IMPA1: variants seen among roughly 807,000 people sequenced by gnomAD.
IMPA1 encodes the protein inositol monophosphatase 1.
A neutral mutation model predicts 34.9 loss-of-function variants in IMPA1; 21 were observed. The observed-to-expected ratio is 0.60, with a 90% CI of 0.43 to 0.87. IMPA1 has a LOEUF of 0.87. Among genes scored for constraint, IMPA1 ranks in the 40% least tolerant of loss-of-function variants. The pLI is 0.00. For synonymous variants in IMPA1, 95 were observed against 104.4 expected (o/e 0.91, Z 0.55); for missense variants, 299 against 336.4 (o/e 0.89, Z 0.87).
At chr8:81,670,877 A>C in intron 7 of IMPA1, 62 bp downstream of exon 7, 1 of 779,380 alleles carries the variant, frequency 1.3e-6, no homozygotes, top group South Asian at 1.9e-5. Flanking sequence ...AGGAAAAAAA[A>C]AAGGTGTGTG....
At chr8:81,676,140 C>T in intron 5 of IMPA1, 94 bp downstream of exon 5, 1 of 506,686 alleles carries the variant, frequency 2.0e-6, no homozygotes, top group Non-Finnish European at 3.4e-6. Flanking sequence ...ATCAAATATA[C>T]AGACAAACCT....
chr8:81,680,754 C>A lies in IMPA1; in HGVS notation c.93G>T (p.Met31Ile), dbSNP rs1490104200. The A allele has an allele frequency of 6.2e-7, 1 of 1,608,950 alleles. No individual in the cohort carries two copies. Among genetic ancestry groups the A allele is most frequent in the South Asian group, 1.1e-5 (1 of 90,756 alleles). ...CTGGAGAACTTTTCAGCATAACATT[C>A]ATTTCATTTTTTATAGCTTCACAAA... ...EVVCEAIKNE[M>I]NVMLKSSPVD... The change falls in exon 3 of 9, where the codon ATG becomes ATT. Residue 31 changes from methionine (M) to isoleucine (I), a missense_variant. By Grantham distance (10) the Met-to-Ile change is conservative. Transcript: ENST00000256108.
In IMPA1 at chr8:81,671,045, T is replaced by C. The variant is rs61734512; in HGVS notation, c.460A>G (p.Ile154Val). Residue 154 changes from isoleucine to valine, a missense_variant and splice_region_variant, in exon 7 of 9, where the codon ATT (isoleucine) becomes GTT (valine). Transcript: ENST00000256108. ...QKLQVSQQED[I>V]TKSLLVTELG... The stretch of plus-strand genomic sequence containing the variant: ...TCAGTCACCAAGAGAGATTTGGTAA[T>C]ATCTAAAAAGAAAGTGTTAGGTTTC... 44 of 1,450,940 alleles carry C rather than the reference T, an allele frequency of 3.0e-5. No individual in the cohort carries two copies. The African/African-American group carries it at 6.4e-4, about 21-fold the overall frequency. 89.9% of individuals were successfully genotyped at this position (1,450,940 alleles called of 1,614,324 possible).
At chr8:81,676,333 A>G in intron 4 of IMPA1, 54 bp from the exon 5 acceptor site, 1 of 863,148 alleles carries the variant, frequency 1.2e-6, no homozygotes, top group Non-Finnish European at 1.7e-6. Context: ...AACTTTTGTT[A>G]ATAAAATTAA....
At chr8:81,685,337 T>A (rs1489248166) in intron 1 of IMPA1, among the ~76,000 whole-genome samples, 1 of 137,466 alleles carries the variant, frequency 7.3e-6, no homozygotes, top group Admixed American at 7.6e-5. Flanking sequence ...AGTATATTTA[T>A]ATACTATATG....
intron 7 of IMPA1, among the ~76,000 whole-genome samples, chr8:81,661,376 A>G (rs1806668517): frequency 8.5e-6 from 1 of 117,928 alleles, no homozygotes; most frequent in Non-Finnish European, 2.0e-5. Context: ...ACAATGGTCT[A>G]CCATTACCAA....
chr8:81,671,272 A>G (rs1806981899), intron 6 of IMPA1, among the ~76,000 whole-genome samples: 1 of 152,146 alleles, frequency 6.6e-6, no homozygotes, highest in Admixed American at 6.5e-5. Flanking sequence ...AATGTAACCA[A>G]TTTGCCTGCA....
At chr8:81,664,685 C>G (rs1343125821) in intron 7 of IMPA1, among the ~76,000 whole-genome samples, 1 of 151,458 alleles carries the variant, frequency 6.6e-6, no homozygotes, top group African/African-American at 2.4e-5. Context: ...GATGGTACTC[C>G]TTGGAAACAA....
At chr8:81,678,888 C>T (rs972338843) in intron 4 of IMPA1, among the ~76,000 whole-genome samples, 9 of 152,100 alleles carry the variant, frequency 5.9e-5, no homozygotes, top group East Asian at 1.9e-4. Context: ...GAATGGTGAA[C>T]GGGGCACTTG....
chr8:81,681,163 AG>A (rs1807287949), intron 2 of IMPA1, among the ~76,000 whole-genome samples: 1 of 152,184 alleles, frequency 6.6e-6, no homozygotes, highest in Admixed American at 6.5e-5. Flanking sequence ...TGGGAGGCCA[AG>A]GTGGTCCAGG....
At chr8:81,664,149 A>G (rs1041639922) in intron 7 of IMPA1, among the ~76,000 whole-genome samples, 1 of 152,218 alleles carries the variant, frequency 6.6e-6, no homozygotes, top group Non-Finnish European at 1.5e-5. Context: ...GTAAGGATAA[A>G]TATTTCCTTT....
intron 6 of IMPA1, among the ~76,000 whole-genome samples, chr8:81,671,324 TA>T (rs1488908230): frequency 6.6e-6 from 1 of 152,072 alleles, no homozygotes; most frequent in Non-Finnish European, 1.5e-5. Flanking sequence ...CTTAAATATT[TA>T]AAAAGGAGAG....
intron 1 of IMPA1, among the ~76,000 whole-genome samples, chr8:81,684,607 C>G (rs1202152500): frequency 0.11 from 1,408 of 12,964 alleles, 70 homozygotes; most frequent in African/African-American, 0.21. Flanking sequence ...ATATATATAT[C>G]TAGTATATAT....
intron 7 of IMPA1, among the ~76,000 whole-genome samples, chr8:81,661,612 T>C (rs946607757): frequency 1.3e-5 from 2 of 152,228 alleles, no homozygotes; most frequent in African/African-American, 4.8e-5. Flanking sequence ...ACTAAGCAAG[T>C]TCTAAATTAA....
chr8:81,665,954 T>C (rs369420061), intron 7 of IMPA1, among the ~76,000 whole-genome samples: 1 of 152,188 alleles, frequency 6.6e-6, no homozygotes, highest in Non-Finnish European at 1.5e-5. Flanking sequence ...AGGAATCTAC[T>C]AGAGGACGAA....
chr8:81,675,922 C>T (rs949329383), intron 5 of IMPA1, among the ~76,000 whole-genome samples: 1 of 152,222 alleles, frequency 6.6e-6, no homozygotes, highest in African/African-American at 2.4e-5. Context: ...TTCCACGAAG[C>T]ATTTAAGATC....
intron 7 of IMPA1, among the ~76,000 whole-genome samples, chr8:81,669,414 C>T (rs1006137087): frequency 2.0e-5 from 3 of 152,228 alleles, no homozygotes; most frequent in Non-Finnish European, 4.4e-5. Flanking sequence ...GGCCTTTACC[C>T]AGCCCTCAAC....
At chr8:81,663,761 G>C (rs761553182) in intron 7 of IMPA1, among the ~76,000 whole-genome samples, 2 of 152,064 alleles carry the variant, frequency 1.3e-5, no homozygotes, top group Admixed American at 1.3e-4. Flanking sequence ...ATTTAATGGC[G>C]GGGCGCAGTG....
chr8:81,685,314 G>A (rs551904887), intron 1 of IMPA1, among the ~76,000 whole-genome samples: 23 of 132,028 alleles, frequency 1.7e-4, no homozygotes, highest in Admixed American at 1.4e-3. Context: ...GTATATTTAT[G>A]TACTATACAT....
Sources: allele counts gnomAD v4.1 joint callset (sites outside exome capture counted in the v4.1 genomes callset), GRCh38; gene constraint gnomAD v4.1.1; transcripts MANE v1.5; gene names NCBI Gene and HGNC (gene_info 2026-07-23, HGNC 2026-07-21).